VPS13D: variants seen among roughly 807,000 people sequenced by gnomAD.
VPS13D encodes the protein intermembrane lipid transfer protein VPS13D.
In VPS13D, 187 loss-of-function variants were observed where a neutral mutation model predicts 461.9. The ratio of observed to expected loss-of-function variants is 0.40; its 90% CI spans 0.36 to 0.46. The LOEUF is 0.46. VPS13D is among the 20% of genes least tolerant of loss of function. The probability of loss-of-function intolerance (pLI) is 0.60; values close to 1 mark genes in which losing one functional copy is unlikely to be tolerated. For missense variants in VPS13D, 4,711 were observed against 5,364.9 expected (o/e 0.88, Z 3.81); for synonymous variants, 1,951 against 1,986.3 (o/e 0.98, Z 0.47).
intron 67 of VPS13D, among the ~76,000 whole-genome samples, chr1:12,467,083 C>G (rs1456154693): frequency 6.6e-6 from 1 of 152,208 alleles, no homozygotes; most frequent in East Asian, 1.9e-4. Flanking sequence ...ACGTGAGCAA[C>G]CCCAGAAGAA....
In VPS13D at chr1:12,275,946, C is replaced by T. The variant is rs1453649758; in HGVS notation, c.2358C>T (p.Ser786=). ...CCCCACCTCCCGAGTCAAGCAGCAG[C>T]AACGGAGAGAAAACACCTCCCTTTT... The part of the protein sequence containing the change: ...PNTPPPESSS[S]NGEKTPPFSG... The change falls in exon 19 of 70, where the codon AGC becomes AGT. Residue 786 remains serine, a synonymous_variant. Transcript: ENST00000620676. 1.9e-6 allele frequency: 3 copies of T among 1,613,822 alleles called. No homozygotes were observed. The highest frequency in any genetic ancestry group is 2.5e-6 in the Non-Finnish European group (3 of 1,180,022).
rs1226106234 is a variant in VPS13D at position 12,299,576 on chromosome 1, C to G, written c.6216+192C>G. 6.6e-6 allele frequency among the ~76,000 whole-genome samples: 1 copy of G among 151,402 alleles called. No homozygotes were observed. On this transcript the variant is annotated intron_variant, in intron 25 of 69. Coordinates refer to ENST00000620676, the MANE Select transcript of VPS13D (RefSeq NM_015378.4). This position sits in a 1 kb window ranked among gnomAD's most constrained non-coding sequence, Gnocchi z 4.2. Reference sequence around the variant, plus strand: ...AATTGAGGTAGTGTAAATTATAACTCTTAGTAAATGTAGGTAGTAGAATTT... The same window carrying G: ...AATTGAGGTAGTGTAAATTATAACTGTTAGTAAATGTAGGTAGTAGAATTT...
intron 67 of VPS13D, among the ~76,000 whole-genome samples, chr1:12,487,610 CAAA>C (rs765536608): frequency 6.7e-5 from 6 of 89,802 alleles, no homozygotes; most frequent in Admixed American, 3.8e-4. Context: ...GATTCCATCT[CAAA>C]AAAAAAAAAA....
intron 65 of VPS13D, among the ~76,000 whole-genome samples, chr1:12,445,065 G>A (rs925875175): frequency 6.6e-6 from 1 of 152,190 alleles, no homozygotes; most frequent in Non-Finnish European, 1.5e-5. Flanking sequence ...GAGTCTAGAG[G>A]AAGGATTCTT....
chr1:12,310,849 C>T (rs867437990), intron 27 of VPS13D, among the ~76,000 whole-genome samples: 100 of 83,278 alleles, frequency 1.2e-3, no homozygotes, highest in South Asian at 3.9e-3. Flanking sequence ...CCCTCCTTCC[C>T]TCCTTCCTTC....
intron 30 of VPS13D, among the ~76,000 whole-genome samples, chr1:12,316,509 G>T (rs1642890481): frequency 6.6e-6 from 1 of 152,150 alleles, no homozygotes; most frequent in Admixed American, 6.5e-5. Flanking sequence ...TGTTCAAAAT[G>T]GGGTGGAAAA....
At chr1:12,349,143 T>TAAA (rs776423743) in intron 45 of VPS13D, 21 bp from the exon 46 acceptor site, 1 of 1,612,992 alleles carries the variant, frequency 6.2e-7, no homozygotes, top group Non-Finnish European at 8.5e-7. Flanking sequence ...CTGAAAGTGT[T>TAAA]AACCCTTATT....
intron 27 of VPS13D, among the ~76,000 whole-genome samples, chr1:12,310,304 T>A (rs1046308695): frequency 6.6e-6 from 1 of 152,216 alleles, no homozygotes; most frequent in Non-Finnish European, 1.5e-5. Context: ...CATCATTGTC[T>A]TTTAAAACTC....
At chr1:12,506,218 G>A (rs77082580) in intron 68 of VPS13D, among the ~76,000 whole-genome samples, 1 of 152,200 alleles carries the variant, frequency 6.6e-6, no homozygotes, top group Admixed American at 6.5e-5. Context: ...CTTTGAATGT[G>A]TGAGCTCCAT....
chr1:12,409,752 A>C, intron 63 of VPS13D: 1 of 395,254 alleles, frequency 2.5e-6, no homozygotes, highest in Non-Finnish European at 4.9e-6. Context: ...AGCTTATAGC[A>C]GACCCAGGCT....
Position 12,319,449 on chromosome 1 carries a change from T to C in VPS13D, c.7415-48T>C. 1.2e-6 allele frequency: 2 copies of C among 1,608,608 alleles called. 1 individual carries two copies. The highest frequency in any genetic ancestry group is 2.2e-5 in the South Asian group (2 of 90,684). ...TGCCTTGTTTGCAACAGCCTGGTGT[T>C]TTCCAGCTTCCCAGCTCTGGCTTGA... is the stretch of plus-strand genomic sequence containing the variant. On this transcript the variant is annotated intron_variant, in intron 31 of 69. Transcript: ENST00000620676.
At chr1:12,305,420 A>G (rs1165587936) in intron 26 of VPS13D, among the ~76,000 whole-genome samples, 1 of 151,916 alleles carries the variant, frequency 6.6e-6, no homozygotes, top group African/African-American at 2.4e-5. Flanking sequence ...GACTACAGGC[A>G]TGTGTCATCA....
chr1:12,485,640 G>GA (rs1645787562), intron 67 of VPS13D, among the ~76,000 whole-genome samples: 1 of 152,214 alleles, frequency 6.6e-6, no homozygotes, highest in Non-Finnish European at 1.5e-5. Context: ...CATCAGAACA[G>GA]ATTGTAATTT....
At chr1:12,355,814 CAAAA>C in intron 47 of VPS13D, 81 bp from the exon 48 acceptor site, 1 of 1,359,816 alleles carries the variant, frequency 7.4e-7, no homozygotes, top group Non-Finnish European at 9.7e-7. Context: ...TTGGTTTTTC[CAAAA>C]GGAATCCAAT....
chr1:12,265,534 C>T (rs1037260818), intron 13 of VPS13D, among the ~76,000 whole-genome samples: 15 of 152,078 alleles, frequency 9.9e-5, no homozygotes, highest in Admixed American at 6.5e-4. Context: ...AGAAAAGCTT[C>T]GGGAAAAGAT....
Position 12,279,601 on chromosome 1 carries a change from G to T in VPS13D, c.4553G>T (p.Gly1518Val). The T allele has an allele frequency of 1.9e-6, 3 of 1,613,256 alleles. No individual in the cohort carries two copies. The highest frequency in any genetic ancestry group is 8.5e-7 in the Non-Finnish European group (1 of 1,179,434). ...TTTTCTCTTAGCCCAGATGACCTGG[G>T]AACTTCTAGCATCATGAAGATTGAA... ...LTFSLSPDDLGTSSIMKIEGK... is the reference protein window; with the variant it reads ...LTFSLSPDDLVTSSIMKIEGK... Residue 1518 changes from glycine (G) to valine (V), a missense_variant, in exon 20 of 70, where the codon GGA becomes GTA. Transcript: ENST00000620676. This position sits in a 1 kb window ranked among gnomAD's most constrained non-coding sequence, Gnocchi z 4.3.
intron 67 of VPS13D, among the ~76,000 whole-genome samples, chr1:12,477,978 C>T (rs1645655981): frequency 6.6e-6 from 1 of 152,118 alleles, no homozygotes; most frequent in African/African-American, 2.4e-5. Flanking sequence ...AGTGGGGGTG[C>T]ACTGTAGGAG....
intron 22 of VPS13D, among the ~76,000 whole-genome samples, chr1:12,290,558 T>TA (rs1356248256): frequency 6.6e-6 from 1 of 152,052 alleles, no homozygotes; most frequent in Admixed American, 6.6e-5. Context: ...CCGTCTCTAC[T>TA]AAAAATACAG....
intron 20 of VPS13D, among the ~76,000 whole-genome samples, chr1:12,281,466 C>T (rs1246119953): frequency 6.6e-6 from 1 of 152,130 alleles, no homozygotes; most frequent in African/African-American, 2.4e-5. Context: ...TCGTGTGCCA[C>T]TTAATTTGTT....
Sources: allele counts gnomAD v4.1 joint callset (sites outside exome capture counted in the v4.1 genomes callset), GRCh38; gene constraint gnomAD v4.1.1; non-coding constraint Gnocchi (gnomAD v3.1); transcripts MANE v1.5; gene names NCBI Gene and HGNC (gene_info 2026-07-23, HGNC 2026-07-21).